CDH10: variants seen among roughly 807,000 people sequenced by gnomAD.
The protein encoded by CDH10 is cadherin 10.
Under a neutral mutation model 73.1 loss-of-function variants are expected in CDH10, and 30 were observed. The observed-to-expected ratio is 0.41, with a 90% CI of 0.31 to 0.56. The LOEUF (loss-of-function observed/expected upper bound fraction) is 0.56, where lower values mean the gene tolerates loss of function less well. Among genes scored for constraint, CDH10 ranks in the 20% least tolerant of loss-of-function variants. The pLI is 0.27. For missense variants in CDH10, 815 were observed against 973.7 expected (o/e 0.84, Z 2.17); for synonymous variants, 345 against 348.2 (o/e 0.99, Z 0.10).
At chr5:24,548,533 A>G (rs1490934081) in intron 2 of CDH10, among the ~76,000 whole-genome samples, 3 of 146,142 alleles carry the variant, frequency 2.1e-5, no homozygotes, top group African/African-American at 7.7e-5. Context: ...AAGGCCTTCA[A>G]CTGATTTGAT....
intron 1 of CDH10, among the ~76,000 whole-genome samples, chr5:24,632,326 C>T (rs1747728545): frequency 1.3e-5 from 1 of 79,316 alleles, no homozygotes. Context: ...TTTCTATACT[C>T]TTATATACAC....
intron 8 of CDH10, chr5:24,499,337 C>T (rs145601719): frequency 6.6e-6 from 1 of 152,670 alleles, no homozygotes; most frequent in East Asian, 1.9e-4. Context: ...ACTAATCATA[C>T]CTTTTGCTAT....
chr5:24,537,718 G>A, intron 2 of CDH10, 44 bp from the exon 3 acceptor site: 1 of 1,257,592 alleles, frequency 8.0e-7, no homozygotes, highest in Non-Finnish European at 1.1e-6. Flanking sequence ...ATGTATAAAG[G>A]TGCAGGATGC....
intron 8 of CDH10, 150 bp downstream of exon 8, chr5:24,504,960 AGT>A (rs1742651202): frequency 1.6e-6 from 1 of 608,452 alleles, no homozygotes; most frequent in Non-Finnish European, 2.8e-6. Flanking sequence ...ATTGAAAAAA[AGT>A]GTAAGTGCTG....
chr5:24,631,335 G>T (rs1220597350), intron 1 of CDH10, among the ~76,000 whole-genome samples: 2 of 152,060 alleles, frequency 1.3e-5, no homozygotes, highest in South Asian at 4.1e-4. Flanking sequence ...GTCTGAATAT[G>T]GCTTATTTTT....
At chr5:24,600,664 C>T (rs1746530104) in intron 1 of CDH10, among the ~76,000 whole-genome samples, 2 of 151,810 alleles carry the variant, frequency 1.3e-5, no homozygotes, top group South Asian at 2.1e-4. Flanking sequence ...CAAACAAGGA[C>T]AGGAGTTAAA....
At chr5:24,526,453 G>T (rs1338433658) in intron 5 of CDH10, among the ~76,000 whole-genome samples, 1 of 151,792 alleles carries the variant, frequency 6.6e-6, no homozygotes, top group East Asian at 1.9e-4. Flanking sequence ...GCACACATCA[G>T]ATTCACATGC....
At chr5:24,582,996 G>A (rs1238057253) in intron 2 of CDH10, among the ~76,000 whole-genome samples, 5 of 151,988 alleles carry the variant, frequency 3.3e-5, no homozygotes, top group Admixed American at 2.6e-4. Flanking sequence ...TCTACTTGTA[G>A]TCATATTTCC....
At chr5:24,531,900 G>A (rs1743768160) in intron 5 of CDH10, among the ~76,000 whole-genome samples, 2 of 152,160 alleles carry the variant, frequency 1.3e-5, no homozygotes, top group South Asian at 4.1e-4. Context: ...CTGGGATATT[G>A]GGCCAGATAA....
chr5:24,632,352 TTCTG>T (rs1230160464), intron 1 of CDH10, among the ~76,000 whole-genome samples: 5 of 152,066 alleles, frequency 3.3e-5, no homozygotes, highest in African/African-American at 1.2e-4. Flanking sequence ...CAATTTCAAT[TTCTG>T]TTTCCCCTTT....
At chr5:24,499,890 T>G (rs2111694643) in intron 8 of CDH10, among the ~76,000 whole-genome samples, 1 of 152,338 alleles carries the variant, frequency 6.6e-6, no homozygotes, top group Non-Finnish European at 1.5e-5. Context: ...CATCAGATTT[T>G]ATGATATCAA....
In CDH10 at chr5:24,491,624, T is replaced by C. The variant is rs2111636983; in HGVS notation, c.1828A>G (p.Ser610Gly). The change falls in exon 11 of 12, where the codon AGC becomes GGC. Residue 610 changes from serine to glycine, a missense_variant. Ser to Gly is a moderately conservative substitution (Grantham distance 56). This residue lies in a region of CDH10 where 241 missense variants were observed against 240.3 expected (regional missense o/e 1.00). Coordinates refer to ENST00000264463, the MANE Select transcript of CDH10 (RefSeq NM_006727.5). ...AEALLLPAGL[S>G]TGALIAILLC... ...AGGATGGCGATCAAGGCCCCAGTGC[T>C]GAGGCCGGCAGGGAGGAGCAGGGCT... 6.2e-7 allele frequency: 1 copy of C among 1,613,948 alleles called. No individual in the cohort carries two copies. The highest frequency in any genetic ancestry group is 8.5e-7 in the Non-Finnish European group (1 of 1,179,894).
At chr5:24,494,203 TTAAAA>T (rs1249037274) in intron 9 of CDH10, among the ~76,000 whole-genome samples, 6 of 151,878 alleles carry the variant, frequency 4.0e-5, no homozygotes, top group Non-Finnish European at 8.9e-5. Flanking sequence ...TAATTGTAAC[TTAAAA>T]TTAAATGTAA....
intron 1 of CDH10, among the ~76,000 whole-genome samples, chr5:24,594,707 T>C (rs975269): frequency 0.95 from 143,886 of 151,990 alleles, 68,253 homozygotes; most frequent in East Asian, 1. Context: ...AGATGTTCAC[T>C]TAGCTAGATC....
At chr5:24,498,678 G>C (rs1472034103) in intron 8 of CDH10, among the ~76,000 whole-genome samples, 159 bp from the exon 9 acceptor site, 1 of 152,138 alleles carries the variant, frequency 6.6e-6, no homozygotes, top group East Asian at 1.9e-4. Context: ...AATTACTGCA[G>C]AGCCTAATTA....
chr5:24,590,287 T>A (rs964819927), intron 2 of CDH10, among the ~76,000 whole-genome samples: 1 of 150,902 alleles, frequency 6.6e-6, no homozygotes, highest in African/African-American at 2.4e-5. Flanking sequence ...TCCTCTTAAT[T>A]TTTTTTTTCT....
chr5:24,587,383 G>C (rs1398905962), intron 2 of CDH10, among the ~76,000 whole-genome samples: 1 of 152,072 alleles, frequency 6.6e-6, no homozygotes, highest in Non-Finnish European at 1.5e-5. Context: ...AATACAATGG[G>C]TACAAAATTT....
rs570251929 is a variant in CDH10 at position 24,587,556 on chromosome 5, TGA to T, written c.231+5702_231+5703del. Among the ~76,000 whole-genome samples the T allele has an allele frequency of 3.7e-3, 562 of 152,284 alleles. 2 individuals carry two copies. The highest frequency in any genetic ancestry group is 0.013 in the African/African-American group (543 of 41,568). ...AATATGAAGTATTGATAAATTATATTGAGATACCTTCTGCAGAGCAAAATTTA... is the reference window on the plus strand; with the variant it reads ...AATATGAAGTATTGATAAATTATATTGATACCTTCTGCAGAGCAAAATTTA... On this transcript the variant is annotated intron_variant, in intron 2 of 11. Transcript: ENST00000264463.
chr5:24,571,152 A>T (rs1579824224), intron 2 of CDH10, among the ~76,000 whole-genome samples: 2 of 152,294 alleles, frequency 1.3e-5, no homozygotes, highest in East Asian at 3.9e-4. Flanking sequence ...GGAATCTCTC[A>T]CAACCAGCAT....
Sources: gnomAD v4.1 joint callset for allele counts (sites outside exome capture counted in the v4.1 genomes callset) on GRCh38, gnomAD v4.1.1 for gene constraint, gnomAD v4.1.1 regional missense constraint, MANE v1.5 for transcripts, NCBI Gene and HGNC (gene_info 2026-07-23, HGNC 2026-07-21) for gene names.